NOX4: variants seen among roughly 807,000 people sequenced by gnomAD.
The protein encoded by NOX4 is kidney oxidase-1.
In NOX4, 69 loss-of-function variants were observed where a neutral mutation model predicts 87.6. The observed-to-expected ratio is 0.79, with a 90% CI of 0.65 to 0.96. The LOEUF is 0.96. NOX4 is among the 40% of genes least tolerant of loss of function. The pLI is 0.00. For missense variants in NOX4, 680 were observed against 681.5 expected, an observed-to-expected ratio of 1.00 and a Z score of 0.02; for synonymous variants, 275 against 238.2, an observed-to-expected ratio of 1.15 and a Z score of -1.42.
At chr11:89,575,720 TTTCC>T in the NOX4 span, among the ~76,000 whole-genome samples, 2 of 152,140 alleles carry the variant, frequency 1.3e-5, no homozygotes, top group African/African-American at 2.4e-5. Flanking sequence ...TCCTTCCTTC[TTTCC>T]TTCTTTTTCC....
chr11:89,357,881 T>C (rs1938190574), intron 12 of NOX4, among the ~76,000 whole-genome samples: 2 of 151,962 alleles, frequency 1.3e-5, no homozygotes, highest in Non-Finnish European at 2.9e-5. Context: ...AGATGACATA[T>C]TGACAGGACT....
chr11:89,551,660 C>T, the NOX4 span, among the ~76,000 whole-genome samples: 1 of 152,142 alleles, frequency 6.6e-6, no homozygotes, highest in Non-Finnish European at 1.5e-5. Flanking sequence ...TGAGACTTTG[C>T]TGAAGTTGCT....
intron 12 of NOX4, among the ~76,000 whole-genome samples, chr11:89,361,063 T>G (rs1028812761): frequency 1.3e-5 from 2 of 151,952 alleles, no homozygotes; most frequent in Non-Finnish European, 2.9e-5. Context: ...GAACTTAAAG[T>G]AAAACAACCA....
intron 6 of NOX4, among the ~76,000 whole-genome samples, chr11:89,437,900 C>G (rs1473530104): frequency 6.6e-6 from 1 of 151,980 alleles, no homozygotes; most frequent in Non-Finnish European, 1.5e-5. Context: ...AATTATCTCT[C>G]GGTTACTTAC....
chr11:89,466,258 A>G (rs2135429360), intron 2 of NOX4, among the ~76,000 whole-genome samples: 1 of 152,346 alleles, frequency 6.6e-6, no homozygotes, highest in East Asian at 1.9e-4. Flanking sequence ...TTATTGAAGA[A>G]CATAATATCT....
At chr11:89,524,258 A>G in the NOX4 span, among the ~76,000 whole-genome samples, 1 of 152,324 alleles carries the variant, frequency 6.6e-6, no homozygotes, top group Non-Finnish European at 1.5e-5. Flanking sequence ...AATGTCAAGT[A>G]GGTTTAAGTT....
At chr11:89,562,870 T>C in the NOX4 span, among the ~76,000 whole-genome samples, 1 of 152,182 alleles carries the variant, frequency 6.6e-6, no homozygotes, top group African/African-American at 2.4e-5. Flanking sequence ...TCCCCACATG[T>C]TGAGGGAGGG....
upstream of NOX4, among the ~76,000 whole-genome samples, chr11:89,491,959 G>A (rs867989895): frequency 6.6e-6 from 1 of 151,892 alleles, no homozygotes; most frequent in Non-Finnish European, 1.5e-5. Context: ...CCCACCAGCC[G>A]CCAGTTTCTT....
intron 8 of NOX4, among the ~76,000 whole-genome samples, chr11:89,413,999 T>G (rs572586168): frequency 2.6e-5 from 4 of 152,132 alleles, no homozygotes; most frequent in East Asian, 3.9e-4. Flanking sequence ...TGTATATGTG[T>G]GTGTATAGTG....
chr11:89,442,620 G>A (rs755239100), intron 5 of NOX4, among the ~76,000 whole-genome samples: 8 of 152,024 alleles, frequency 5.3e-5, no homozygotes, highest in Non-Finnish European at 7.4e-5. Context: ...CATAAAATGC[G>A]ACTCAAAATA....
At chr11:89,445,747 C>T (rs551977283) in intron 4 of NOX4, among the ~76,000 whole-genome samples, 2 of 152,088 alleles carry the variant, frequency 1.3e-5, no homozygotes, top group South Asian at 4.2e-4. Context: ...ATGTAAAATG[C>T]AAAACCATAA....
intron 6 of NOX4, among the ~76,000 whole-genome samples, chr11:89,439,837 G>C (rs1464620879): frequency 2.0e-5 from 3 of 151,902 alleles, no homozygotes; most frequent in Non-Finnish European, 4.4e-5. Context: ...AGCTTGAAAA[G>C]GAAAAATAAA....
chr11:89,324,940 T>A lies in NOX4; in HGVS notation c.*1816A>T, dbSNP rs899439808. On this transcript the variant is annotated 3_prime_UTR_variant, in exon 18 of 18. Coordinates refer to ENST00000263317, the MANE Select transcript of NOX4 (RefSeq NM_016931.5). ...ATTCAGTATGGGTTAGCATGCTTGATTGCTATTGGTGAATTATAGCAAAAA... is the reference window on the plus strand; with the variant it reads ...ATTCAGTATGGGTTAGCATGCTTGAATGCTATTGGTGAATTATAGCAAAAA... 10 of 151,988 alleles carry A rather than the reference T, an allele frequency of 6.6e-5. No individual in the cohort carries two copies. The highest frequency in any genetic ancestry group is 2.4e-4 in the African/African-American group (10 of 41,386). The allele number at this position is 151,988 out of a possible 1,614,324, so 9.4% of individuals were successfully genotyped here. A position where few individuals can be genotyped will look rare whatever the true frequency, so the allele number is the denominator to read the frequency against.
intron 4 of NOX4, among the ~76,000 whole-genome samples, chr11:89,445,098 T>A (rs1267002109): frequency 6.6e-6 from 1 of 152,100 alleles, no homozygotes; most frequent in Non-Finnish European, 1.5e-5. Flanking sequence ...GCTGGAAAAT[T>A]TGTGATCTTG....
intron 6 of NOX4, among the ~76,000 whole-genome samples, chr11:89,439,738 C>T (rs1403669775): frequency 6.6e-6 from 1 of 151,974 alleles, no homozygotes; most frequent in Non-Finnish European, 1.5e-5. Flanking sequence ...AGACTTTTAG[C>T]AAAAATTGTT....
chr11:89,351,795 T>C (rs1418807703), intron 13 of NOX4, among the ~76,000 whole-genome samples: 1 of 152,116 alleles, frequency 6.6e-6, no homozygotes, highest in African/African-American at 2.4e-5. Flanking sequence ...AAAGTGTTAC[T>C]ACTCACATAG....
the NOX4 span, among the ~76,000 whole-genome samples, chr11:89,585,666 C>A: frequency 6.6e-6 from 1 of 152,132 alleles, no homozygotes; most frequent in Admixed American, 6.6e-5. Context: ...GTGATCAGCC[C>A]CTGCTTTACA....
At chr11:89,357,222 T>C (rs1207913995) in intron 12 of NOX4, among the ~76,000 whole-genome samples, 1 of 151,894 alleles carries the variant, frequency 6.6e-6, no homozygotes, top group Non-Finnish European at 1.5e-5. Context: ...TACTGTTTTT[T>C]TTTCTCTCAA....
intron 2 of NOX4, among the ~76,000 whole-genome samples, chr11:89,459,154 C>T (rs1640667874): frequency 6.6e-6 from 1 of 151,952 alleles, no homozygotes; most frequent in Non-Finnish European, 1.5e-5. Flanking sequence ...ATGTCCTTTG[C>T]AAGAAATATG....
Sources: gnomAD v4.1 joint callset for allele counts (sites outside exome capture counted in the v4.1 genomes callset) on GRCh38, gnomAD v4.1.1 for gene constraint, MANE v1.5 for transcripts, NCBI Gene and HGNC (gene_info 2026-07-23, HGNC 2026-07-21) for gene names.